The following DPYD variants were observed in gnomAD, a reference collection of about 807,000 sequenced individuals.
DPYD encodes the protein dihydropyrimidine dehydrogenase [NADP(+)].
Under a neutral mutation model 116.2 loss-of-function variants are expected in DPYD, and 109 were observed. The observed-to-expected ratio is 0.94, with a 90% confidence interval of 0.80 to 1.10. DPYD has a LOEUF of 1.10. DPYD is among the 50% of genes least tolerant of loss of function. DPYD has a pLI of 0.00. For synonymous variants in DPYD, 440 were observed against 432.0 expected (o/e 1.02, Z -0.23); for missense variants, 1,302 against 1,254.5 (o/e 1.04, Z -0.57).
At chr1:97,543,423 T>C (rs956302472) in intron 12 of DPYD, among the ~76,000 whole-genome samples, 1 of 152,186 alleles carries the variant, frequency 6.6e-6, no homozygotes, top group Non-Finnish European at 1.5e-5. Flanking sequence ...TCTCCCAACA[T>C]GGATGTCTTC....
chr1:97,553,312 T>G (rs1651461011), intron 11 of DPYD, among the ~76,000 whole-genome samples: 1 of 152,032 alleles, frequency 6.6e-6, no homozygotes. Flanking sequence ...TTCTTAAGCT[T>G]AGAACTCAAA....
intron 15 of DPYD, among the ~76,000 whole-genome samples, chr1:97,377,368 T>C (rs1475493620): frequency 6.6e-6 from 1 of 152,204 alleles, no homozygotes; most frequent in Non-Finnish European, 1.5e-5. Flanking sequence ...GTATACTATC[T>C]ATCTAAATAC....
intron 2 of DPYD, among the ~76,000 whole-genome samples, chr1:97,830,072 A>C (rs1669456413): frequency 6.6e-6 from 1 of 152,186 alleles, no homozygotes; most frequent in Non-Finnish European, 1.5e-5. Context: ...TTCAAAGGAC[A>C]TGAATTCATC....
At chr1:97,694,126 G>A (rs1260346853) in intron 6 of DPYD, among the ~76,000 whole-genome samples, 5 of 152,132 alleles carry the variant, frequency 3.3e-5, no homozygotes, top group Non-Finnish European at 5.9e-5. Context: ...ATGCTGCTCT[G>A]GAACCATTGT....
At chr1:97,099,453 C>T (rs1006151748) in intron 20 of DPYD, among the ~76,000 whole-genome samples, 3 of 152,046 alleles carry the variant, frequency 2.0e-5, no homozygotes, top group African/African-American at 7.2e-5. Context: ...TGCCCTCATA[C>T]CATTCATTAT....
Position 97,857,632 on chromosome 1 carries a change from G to A in DPYD, c.150+25632C>T, listed in dbSNP as rs542241816. 5.9e-5 allele frequency among the ~76,000 whole-genome samples: 9 copies of A among 152,230 alleles called. No homozygotes were observed. In the South Asian group the frequency reaches 6.2e-4, roughly 11 times the overall value. ...ATGGAAGCTCCACACCCCTTCTTCC[G>A]TAGCTCACCCTATGCATCTCTTCAT... On this transcript the variant is annotated intron_variant, in intron 2 of 22. Transcript: ENST00000370192.
intron 8 of DPYD, among the ~76,000 whole-genome samples, chr1:97,622,121 G>A (rs77228026): frequency 0.017 from 2,558 of 152,114 alleles, 80 homozygotes; most frequent in African/African-American, 0.059. Flanking sequence ...CCACTCATTA[G>A]GTGTGGCCTG....
chr1:97,604,734 A>G (rs1415545440), intron 8 of DPYD, among the ~76,000 whole-genome samples: 1 of 152,126 alleles, frequency 6.6e-6, no homozygotes, highest in East Asian at 1.9e-4. Context: ...CCACAAGAAA[A>G]TCACCTTCTA....
intron 8 of DPYD, among the ~76,000 whole-genome samples, chr1:97,656,419 T>A (rs1035187817): frequency 6.6e-6 from 1 of 152,164 alleles, no homozygotes; most frequent in Admixed American, 6.5e-5. Context: ...AAATTCCCTA[T>A]TTTTTGGCCT....
chr1:97,387,292 G>C (rs1372771361), intron 14 of DPYD, among the ~76,000 whole-genome samples: 5 of 151,988 alleles, frequency 3.3e-5, no homozygotes, highest in Non-Finnish European at 7.4e-5. Flanking sequence ...TAATATAAGA[G>C]GAATTAAATG....
intron 19 of DPYD, among the ~76,000 whole-genome samples, chr1:97,204,153 G>T (rs1659439524): frequency 6.6e-6 from 1 of 151,998 alleles, no homozygotes; most frequent in South Asian, 2.1e-4. Context: ...TTTATGGGAG[G>T]GCTAGAGAAG....
intron 14 of DPYD, among the ~76,000 whole-genome samples, chr1:97,421,640 G>T (rs1440263994): frequency 6.6e-6 from 1 of 152,146 alleles, no homozygotes; most frequent in Admixed American, 6.5e-5. Flanking sequence ...GGACACAGCT[G>T]CTTATCAATA....
At chr1:97,856,597 T>A (rs937467546) in intron 2 of DPYD, 1 of 152,342 alleles carries the variant, frequency 6.6e-6, no homozygotes, top group Admixed American at 6.5e-5. Flanking sequence ...ATCCTTGATA[T>A]TCCAAGTGAA....
intron 8 of DPYD, among the ~76,000 whole-genome samples, chr1:97,617,196 G>A (rs778992142): frequency 3.3e-5 from 5 of 151,986 alleles, no homozygotes; most frequent in African/African-American, 4.8e-5. Context: ...AAACACCTAC[G>A]CATACACACA....
chr1:97,138,419 T>G (rs560696168), intron 20 of DPYD, among the ~76,000 whole-genome samples: 1 of 152,274 alleles, frequency 6.6e-6, no homozygotes, highest in East Asian at 1.9e-4. Context: ...TAGGATGTGC[T>G]GTGTTGTGCT....
At chr1:97,734,046 C>T (rs905447422) in intron 4 of DPYD, among the ~76,000 whole-genome samples, 2 of 152,072 alleles carry the variant, frequency 1.3e-5, no homozygotes, top group African/African-American at 4.8e-5. Context: ...TGGACTGAAA[C>T]ATGCATGGCA....
intron 8 of DPYD, among the ~76,000 whole-genome samples, chr1:97,613,195 T>C (rs1010152803): frequency 6.6e-6 from 1 of 152,030 alleles, no homozygotes; most frequent in African/African-American, 2.4e-5. Flanking sequence ...AGGCAAGTTA[T>C]CTAAATTTGT....
At chr1:97,363,661 A>G (rs1056615200) in intron 16 of DPYD, among the ~76,000 whole-genome samples, 2 of 152,170 alleles carry the variant, frequency 1.3e-5, no homozygotes, top group Non-Finnish European at 2.9e-5. Flanking sequence ...AGGATCATGG[A>G]TACAGCTGGA....
At chr1:97,737,452 A>G (rs529284694) in intron 4 of DPYD, among the ~76,000 whole-genome samples, 12 of 152,084 alleles carry the variant, frequency 7.9e-5, no homozygotes, top group African/African-American at 2.4e-4. Context: ...AGTGGGAGAA[A>G]CCCCAATCAA....
Sources: allele counts gnomAD v4.1 joint callset (sites outside exome capture counted in the v4.1 genomes callset), GRCh38; gene constraint gnomAD v4.1.1; transcripts MANE v1.5; gene names NCBI Gene and HGNC (gene_info 2026-07-23, HGNC 2026-07-21).